Variants in DCPH1 observed in about 807,000 individuals in gnomAD.
DCPH1 encodes the protein damage control phosphatase 1.
the DCPH1 span, among the ~76,000 whole-genome samples, chr6:151,453,398 G>C: frequency 1.3e-5 from 2 of 152,162 alleles, no homozygotes; most frequent in African/African-American, 4.8e-5. Flanking sequence ...CTACTGCCTG[G>C]GAAAATTCAA....
the DCPH1 span, chr6:151,464,415 A>T: frequency 6.0e-6 from 9 of 1,497,938 alleles, no homozygotes; most frequent in Non-Finnish European, 8.3e-6. Flanking sequence ...CCAAATGTAC[A>T]AACTAAAATG....
At chr6:151,458,866 T>A in the DCPH1 span, among the ~76,000 whole-genome samples, 2 of 152,182 alleles carry the variant, frequency 1.3e-5, no homozygotes, top group African/African-American at 4.8e-5. Flanking sequence ...GGCCAGGCCC[T>A]GAGGTTCATG....
chr6:151,468,263 G>A, the DCPH1 span: 1 of 899,128 alleles, frequency 1.1e-6, no homozygotes, highest in Non-Finnish European at 1.7e-6. Context: ...TTTTAGCAAT[G>A]TCCCCCCATC....
chr6:151,452,619 GGAAA>G, the DCPH1 span: 5 of 1,594,038 alleles, frequency 3.1e-6, no homozygotes, highest in South Asian at 5.6e-5. Flanking sequence ...CCACTTTTGC[GGAAA>G]GCCGGGCCTC....
chr6:151,467,526 A>G, the DCPH1 span, among the ~76,000 whole-genome samples: 1 of 152,146 alleles, frequency 6.6e-6, no homozygotes, highest in Non-Finnish European at 1.5e-5. Flanking sequence ...CATTATTTAC[A>G]TGCATTATAT....
chr6:151,460,955 T>C, the DCPH1 span, among the ~76,000 whole-genome samples: 1 of 152,118 alleles, frequency 6.6e-6, no homozygotes, highest in South Asian at 2.1e-4. Flanking sequence ...TTTAACAGTT[T>C]AGGTGATTGG....
At chr6:151,463,599 G>A in the DCPH1 span, among the ~76,000 whole-genome samples, 1 of 152,144 alleles carries the variant, frequency 6.6e-6, no homozygotes, top group Non-Finnish European at 1.5e-5. Context: ...TGGCTGGAAG[G>A]AGGCAGCCAT....
At chr6:151,455,330 C>G in the DCPH1 span, among the ~76,000 whole-genome samples, 1 of 152,194 alleles carries the variant, frequency 6.6e-6, no homozygotes, top group Non-Finnish European at 1.5e-5. Flanking sequence ...ACCTGGGGAA[C>G]CAGCGTTCAG....
the DCPH1 span, among the ~76,000 whole-genome samples, chr6:151,456,102 G>A: frequency 6.6e-6 from 1 of 152,198 alleles, no homozygotes; most frequent in Admixed American, 6.5e-5. Context: ...ATTTTTCTTA[G>A]TACAGAACAA....
chr6:151,461,884 A>AC, the DCPH1 span, among the ~76,000 whole-genome samples: 2 of 151,978 alleles, frequency 1.3e-5, no homozygotes, highest in African/African-American at 4.8e-5. Context: ...CGGATGTAGA[A>AC]CTCTTCCCAA....
chr6:151,454,168 C>T, the DCPH1 span, among the ~76,000 whole-genome samples: 9 of 152,174 alleles, frequency 5.9e-5, no homozygotes, highest in Non-Finnish European at 1.0e-4. Flanking sequence ...TCTTTCTAAG[C>T]AGGTGACTTA....
chr6:151,458,633 A>G, the DCPH1 span: 5 of 1,429,486 alleles, frequency 3.5e-6, no homozygotes, highest in Admixed American at 2.2e-5. Context: ...CTGAAATTGT[A>G]AAAGGATAAG....
chr6:151,461,743 G>A, the DCPH1 span, among the ~76,000 whole-genome samples: 1 of 152,188 alleles, frequency 6.6e-6, no homozygotes, highest in African/African-American at 2.4e-5. Flanking sequence ...TCTGGGGTGG[G>A]GCCTGGGTAT....
the DCPH1 span, among the ~76,000 whole-genome samples, chr6:151,455,535 A>C: frequency 6.6e-6 from 1 of 152,240 alleles, no homozygotes; most frequent in Non-Finnish European, 1.5e-5. Flanking sequence ...ATATGCATAC[A>C]CATAAACATC....
At chr6:151,459,980 A>G in the DCPH1 span, among the ~76,000 whole-genome samples, 1 of 152,186 alleles carries the variant, frequency 6.6e-6, no homozygotes, top group African/African-American at 2.4e-5. Flanking sequence ...GTAAAATAAA[A>G]TTATTTTGGG....
the DCPH1 span, chr6:151,458,503 G>T: frequency 1.2e-6 from 2 of 1,612,344 alleles, no homozygotes; most frequent in South Asian, 2.2e-5. Flanking sequence ...AAATCAAGAT[G>T]GTTCTACTCA....
At chr6:151,458,554 A>G in the DCPH1 span, 2 of 1,610,548 alleles carry the variant, frequency 1.2e-6, no homozygotes, top group African/African-American at 2.7e-5. Flanking sequence ...CGAAGAATTC[A>G]TGAAGCAATT....
chr6:151,452,612 C>G, the DCPH1 span: 14 of 1,596,638 alleles, frequency 8.8e-6, no homozygotes, highest in South Asian at 1.6e-4. Context: ...CTCCTCCCCA[C>G]TTTTGCGGAA....
the DCPH1 span, among the ~76,000 whole-genome samples, chr6:151,460,999 A>G: frequency 2.0e-5 from 3 of 152,284 alleles, no homozygotes; most frequent in South Asian, 2.1e-4. Context: ...CCAAGGTGAC[A>G]TGGCTAGTAG....
Sources: allele counts gnomAD v4.1 joint callset (sites outside exome capture counted in the v4.1 genomes callset), GRCh38; gene constraint gnomAD v4.1.1; transcripts MANE v1.5; gene names NCBI Gene and HGNC (gene_info 2026-07-23, HGNC 2026-07-21).